Variants in DNAJC3 observed in about 807,000 individuals in gnomAD.
DNAJC3 encodes dnaJ homolog subfamily C member 3.
Under a neutral mutation model 68.6 loss-of-function variants are expected in DNAJC3, and 38 were observed. That is an observed-to-expected ratio of 0.55 (90% CI 0.43 to 0.73). DNAJC3 has a LOEUF of 0.73. DNAJC3 is among the 30% of genes least tolerant of loss of function. The probability of loss-of-function intolerance (pLI) is 0.00; values close to 1 mark genes in which losing one functional copy is unlikely to be tolerated. For missense variants in DNAJC3, 526 were observed against 591.9 expected, an observed-to-expected ratio of 0.89 and a Z score of 1.16; for synonymous variants, 203 against 204.0, an observed-to-expected ratio of 1.00 and a Z score of 0.04.
In DNAJC3 at chr13:95,794,919, CA is replaced by C. The variant is rs1360478651; in HGVS notation, c.*3892del. On this transcript the variant is annotated 3_prime_UTR_variant, in exon 12 of 12. Transcript: ENST00000602402. ...TTGAAATGGGTCTCAGACATGTCTA[CA>C]AATATGGGTACTATTTTTATGCCCG... The C allele has an allele frequency of 1.3e-5, 2 of 152,172 alleles. No homozygotes were observed. Among genetic ancestry groups the C allele is most frequent in the Non-Finnish European group, 2.9e-5 (2 of 68,034 alleles). The allele number at this position is 152,172 out of a possible 1,614,324, so 9.4% of individuals were successfully genotyped here. A position where few individuals can be genotyped will look rare whatever the true frequency, so the allele number is the denominator to read the frequency against.
Position 95,760,219 on chromosome 13 carries a change from C to T in DNAJC3, c.726C>T (p.Leu242=). The change falls in exon 6 of 12, where the codon CTC becomes CTT. Residue 242 remains leucine (L), a splice_region_variant and synonymous_variant. Coordinates refer to ENST00000602402, the MANE Select transcript of DNAJC3 (RefSeq NM_006260.5). ...YYQLGDHELS[L]SEVRECLKLD... ...AACTAGGAGACCACGAACTGTCCCT[C>T]AGGTCAGTTCTAGTGACACACATGT... is the stretch of plus-strand genomic sequence containing the variant. 1 of 1,574,310 alleles carries T rather than the reference C, an allele frequency of 6.4e-7. No individual in the cohort carries two copies. The highest frequency in any genetic ancestry group is 8.6e-7 in the Non-Finnish European group (1 of 1,160,106).
At chr13:95,750,384 C>T (rs73552782) in intron 4 of DNAJC3, among the ~76,000 whole-genome samples, 2,647 of 152,078 alleles carry the variant, frequency 0.017, 77 homozygotes, top group African/African-American at 0.06. Flanking sequence ...GCCTGGAGCA[C>T]AGAAAGCTCT....
chr13:95,691,920 C>A (rs1043436989), intron 1 of DNAJC3, among the ~76,000 whole-genome samples: 1 of 152,202 alleles, frequency 6.6e-6, no homozygotes, highest in African/African-American at 2.4e-5. Flanking sequence ...TCAGGCGTGG[C>A]GGCGCGCGCC....
chr13:95,737,357 C>T (rs1179617282), intron 4 of DNAJC3, among the ~76,000 whole-genome samples: 1 of 152,038 alleles, frequency 6.6e-6, no homozygotes, highest in Non-Finnish European at 1.5e-5. Flanking sequence ...GGGAGAATTC[C>T]CTCTTTTTCT....
Position 95,791,274 on chromosome 13 carries a change from G to A in DNAJC3, c.*244G>A. 2.0e-6 allele frequency: 1 copy of A among 499,950 alleles called. No individual in the cohort carries two copies. The highest frequency in any genetic ancestry group is 3.5e-6 in the Non-Finnish European group (1 of 282,702). The allele number at this position is 499,950 out of a possible 1,614,324, so 31.0% of individuals were successfully genotyped here. On this transcript the variant is annotated 3_prime_UTR_variant, in exon 12 of 12. Transcript: ENST00000602402. ...AGCCTGCATCTGCTTTATGCTGTCTGGAGGGAAGTGGTCTGAGGCAGGCTC... is the reference window on the plus strand; with the variant it reads ...AGCCTGCATCTGCTTTATGCTGTCTAGAGGGAAGTGGTCTGAGGCAGGCTC...
rs184936770 is a variant in DNAJC3, at chr13:95,696,524, G to A, written c.83-12703G>A. Among the ~76,000 whole-genome samples the A allele has an allele frequency of 2.4e-4, 37 of 152,102 alleles. No individual in the cohort carries two copies. In the East Asian group the frequency reaches 6.8e-3, roughly 28 times the overall value. ...TGCATTTGGTATTTTTAACTTTTGG[G>A]GATGCTGTCACTCACCATTGTGGAA... On this transcript the variant is annotated intron_variant, in intron 1 of 11. Coordinates refer to ENST00000602402, the MANE Select transcript of DNAJC3 (RefSeq NM_006260.5).
Position 95,677,352 on chromosome 13 carries a change from GC to G in DNAJC3, c.82+19del. 2 of 1,575,744 alleles carry G rather than the reference GC, an allele frequency of 1.3e-6. No individual in the cohort carries two copies. Among genetic ancestry groups the G allele is most frequent in the Non-Finnish European group, 1.7e-6 (2 of 1,161,658 alleles). On this transcript the variant is annotated intron_variant, in intron 1 of 11. Transcript: ENST00000602402. ...GCAGTACGAAGGTGAGTCCTGCCCT[GC>G]CCCGGCCAGGAAGTGGGCTCCCGGA...
intron 10 of DNAJC3, 121 bp from the exon 11 acceptor site, chr13:95,786,886 G>C: frequency 8.5e-7 from 1 of 1,179,770 alleles, no homozygotes; most frequent in Non-Finnish European, 1.2e-6. Context: ...GATACCATTG[G>C]AACTATTTTA....
At chr13:95,745,453 A>G (rs1421115857) in intron 4 of DNAJC3, 1 of 152,282 alleles carries the variant, frequency 6.6e-6, no homozygotes, top group Non-Finnish European at 1.5e-5. Flanking sequence ...TTTTGCCAGC[A>G]GTCCCTGCAT....
chr13:95,791,037 T>G lies in DNAJC3; in HGVS notation c.*7T>G, dbSNP rs754052137. 1 of 1,613,184 alleles carries G rather than the reference T, an allele frequency of 6.2e-7. No homozygotes were observed. Among genetic ancestry groups the G allele is most frequent in the Admixed American group, 1.7e-5 (1 of 59,800 alleles). On this transcript the variant is annotated 3_prime_UTR_variant, in exon 12 of 12. Coordinates refer to ENST00000602402, the MANE Select transcript of DNAJC3 (RefSeq NM_006260.5). ...TAAATTCCACTTCAATTAAACCAAC[T>G]GTTTTTCTGCTCTTCTTAATTTTTT...
chr13:95,773,572 A>G (rs1216233371), intron 9 of DNAJC3, among the ~76,000 whole-genome samples: 2 of 151,964 alleles, frequency 1.3e-5, no homozygotes, highest in Admixed American at 6.6e-5. Context: ...ATTTCTTGAC[A>G]TTGCTGAATT....
At chr13:95,779,337 G>A (rs766253728) in intron 9 of DNAJC3, among the ~76,000 whole-genome samples, 6 of 151,764 alleles carry the variant, frequency 4.0e-5, no homozygotes, top group Non-Finnish European at 8.8e-5. Flanking sequence ...TGTTAGCCAG[G>A]ATGGTCTCGA....
At chr13:95,784,001 C>T (rs770601413) in intron 9 of DNAJC3, among the ~76,000 whole-genome samples, 1 of 152,180 alleles carries the variant, frequency 6.6e-6, no homozygotes, top group Admixed American at 6.5e-5. Context: ...CTCCTCCCAG[C>T]GTGCAGGCCA....
chr13:95,750,106 AT>A (rs1209537460), intron 4 of DNAJC3, among the ~76,000 whole-genome samples: 7 of 152,206 alleles, frequency 4.6e-5, no homozygotes, highest in African/African-American at 1.4e-4. Context: ...CCTACTTGAC[AT>A]TTAGATGTCT....
At chr13:95,700,006 A>T (rs544323626) in intron 1 of DNAJC3, among the ~76,000 whole-genome samples, 9 of 151,990 alleles carry the variant, frequency 5.9e-5, no homozygotes, top group Admixed American at 5.9e-4. Flanking sequence ...TTTTGTAGAG[A>T]TGGTGTTTTT....
intron 9 of DNAJC3, among the ~76,000 whole-genome samples, chr13:95,779,119 C>CTTTTTTTTTTTTT (rs142933580): frequency 1.0e-5 from 1 of 97,974 alleles, no homozygotes; most frequent in Admixed American, 1.2e-4. Context: ...TTTCTTCTTT[C>CTTTTTTTTTTTTT]TTTTTTTTTT....
chr13:95,725,013 T>C (rs192847108), intron 3 of DNAJC3, among the ~76,000 whole-genome samples, 165 bp from the exon 4 acceptor site: 38 of 152,352 alleles, frequency 2.5e-4, no homozygotes, highest in Admixed American at 1.1e-3. Context: ...AGAAAAATTA[T>C]ACACATTCAT....
intron 4 of DNAJC3, among the ~76,000 whole-genome samples, chr13:95,726,037 G>A (rs1357876143): frequency 2.6e-5 from 4 of 151,918 alleles, no homozygotes; most frequent in Non-Finnish European, 5.9e-5. Flanking sequence ...GTATTCCATG[G>A]TGTATATGTG....
chr13:95,787,669 G>GT (rs58483078), intron 11 of DNAJC3, among the ~76,000 whole-genome samples: 5,194 of 142,896 alleles, frequency 0.036, 246 homozygotes, highest in African/African-American at 0.11. Context: ...GCTTATATGT[G>GT]TTTTTTTTTT....
Sources: gnomAD v4.1 joint callset for allele counts (sites outside exome capture counted in the v4.1 genomes callset) on GRCh38, gnomAD v4.1.1 for gene constraint, MANE v1.5 for transcripts, NCBI Gene and HGNC (gene_info 2026-07-23, HGNC 2026-07-21) for gene names.